STRN3: variants seen among roughly 807,000 people sequenced by gnomAD.
STRN3 encodes striatin-3.
In STRN3, 29 loss-of-function variants were observed where a neutral mutation model predicts 95.6. The ratio of observed to expected loss-of-function variants is 0.30; its 90% confidence interval spans 0.23 to 0.41. The LOEUF is 0.41. Ranked by LOEUF, STRN3 falls within the 10% of genes least tolerant of loss-of-function variation. The pLI, the probability that STRN3 is intolerant of heterozygous loss-of-function variation, is 1.00. For synonymous variants in STRN3, 331 were observed against 357.6 expected (o/e 0.93, Z 0.84); for missense variants, 890 against 972.1 (o/e 0.92, Z 1.12).
intron 1 of STRN3, among the ~76,000 whole-genome samples, chr14:31,009,729 AAC>A (rs1425865605): frequency 6.6e-6 from 1 of 152,088 alleles, no homozygotes; most frequent in Non-Finnish European, 1.5e-5. Context: ...GCTAAACATA[AAC>A]ACAAAAAAAT....
chr14:30,996,220 TA>T (rs1424237034), intron 1 of STRN3, among the ~76,000 whole-genome samples: 1 of 152,156 alleles, frequency 6.6e-6, no homozygotes, highest in Non-Finnish European at 1.5e-5. Context: ...AAACAGGCTC[TA>T]AAATAAAGCA....
chr14:30,982,150 G>C (rs1594535914), intron 1 of STRN3, among the ~76,000 whole-genome samples: 1 of 136,116 alleles, frequency 7.3e-6, no homozygotes, highest in African/African-American at 2.7e-5. Context: ...AGACTAAACA[G>C]TAATTAGGAT....
chr14:30,987,065 T>C (rs531631458), intron 1 of STRN3, among the ~76,000 whole-genome samples: 5 of 152,314 alleles, frequency 3.3e-5, no homozygotes, highest in South Asian at 2.1e-4. Flanking sequence ...ACCCTCTTTA[T>C]GGTACAAGAA....
intron 9 of STRN3, among the ~76,000 whole-genome samples, chr14:30,917,130 C>T (rs548587218): frequency 1.2e-4 from 18 of 152,332 alleles, no homozygotes; most frequent in African/African-American, 2.9e-4. Context: ...TACTCCAAAG[C>T]TGCCTTCTTA....
At position 30,900,132 on chromosome 14, in the gene STRN3, C is replaced by T. The variant is rs562753354; in HGVS notation, c.2137+2404G>A. ...CAGCACTTTGGGAGGCCAAGGTGGG[C>T]GGATCACCTGAGGTCAGGAGTTCAA... On this transcript the variant is annotated intron_variant, in intron 16 of 17. Transcript: ENST00000357479. Among the ~76,000 whole-genome samples the T allele has an allele frequency of 1.1e-4, 17 of 151,940 alleles. No individual in the cohort carries two copies. The South Asian group carries it at 1.7e-3, about 15-fold the overall frequency.
chr14:30,906,021 T>C (rs1007375813), intron 14 of STRN3, among the ~76,000 whole-genome samples: 4 of 152,186 alleles, frequency 2.6e-5, no homozygotes, highest in African/African-American at 9.7e-5. Flanking sequence ...CTCATGAAAA[T>C]GGCTTGGACT....
intron 13 of STRN3, among the ~76,000 whole-genome samples, chr14:30,909,465 C>T (rs1046666666): frequency 6.6e-6 from 1 of 151,782 alleles, no homozygotes; most frequent in Non-Finnish European, 1.5e-5. Context: ...CAGAGCAAGA[C>T]TGTTTCCAAA....
chr14:30,992,597 G>A (rs1221569912), intron 1 of STRN3, among the ~76,000 whole-genome samples: 2 of 149,276 alleles, frequency 1.3e-5, no homozygotes, highest in African/African-American at 2.5e-5. Flanking sequence ...AAAAAGATGG[G>A]GTCGGGGGAA....
intron 1 of STRN3, among the ~76,000 whole-genome samples, chr14:30,985,978 G>A (rs922363890): frequency 3.9e-5 from 6 of 152,068 alleles, no homozygotes; most frequent in African/African-American, 1.4e-4. Context: ...TTGTGTGCAT[G>A]CGCTTTCTCT....
intron 1 of STRN3, among the ~76,000 whole-genome samples, chr14:30,985,272 C>T (rs1470664048): frequency 4.3e-4 from 60 of 140,168 alleles, no homozygotes; most frequent in African/African-American, 1.6e-3. Flanking sequence ...GGCACCATTG[C>T]ACTCCAGCCT....
In STRN3 at chr14:30,956,064, A is replaced by T. The variant is rs1475214398; in HGVS notation, c.386+75T>A. On this transcript the variant is annotated intron_variant, in intron 2 of 17. Coordinates refer to ENST00000357479, the MANE Select transcript of STRN3 (RefSeq NM_001083893.2). ...TTGTACCTTTCAAAAAAAGCTGCCAAATACAGAGTACAATGGTATACATGA... is the reference window on the plus strand; with the variant it reads ...TTGTACCTTTCAAAAAAAGCTGCCATATACAGAGTACAATGGTATACATGA... The T allele has an allele frequency of 4.6e-6, 6 of 1,308,512 alleles. No individual in the cohort carries two copies. The Admixed American group carries it at 1.2e-4, about 27-fold the overall frequency. The allele number at this position is 1,308,512 out of a possible 1,614,324, so 81.1% of individuals were successfully genotyped here.
chr14:30,979,898 C>A (rs140989364), intron 1 of STRN3, among the ~76,000 whole-genome samples: 3 of 151,746 alleles, frequency 2.0e-5, no homozygotes, highest in African/African-American at 7.3e-5. Context: ...CCATGCCTGG[C>A]GGGACATTTT....
chr14:30,938,233 T>C (rs1338724801), intron 5 of STRN3, among the ~76,000 whole-genome samples: 1 of 152,078 alleles, frequency 6.6e-6, no homozygotes, highest in Admixed American at 6.6e-5. Flanking sequence ...TCCAGCACAC[T>C]GTTTAAAGGA....
In STRN3 at chr14:30,893,836, T is replaced by C. The variant is rs557327584; in HGVS notation, c.*1575A>G. The C allele has an allele frequency of 5.9e-5, 9 of 152,712 alleles. No homozygotes were observed. The East Asian group carries it at 1.5e-3, about 26-fold the overall frequency. 9.5% of individuals were successfully genotyped at this position (152,712 alleles called of 1,614,324 possible). A position where few individuals can be genotyped will look rare whatever the true frequency, so the allele number is the denominator to read the frequency against. On this transcript the variant is annotated 3_prime_UTR_variant, in exon 18 of 18. Transcript: ENST00000357479. Reference sequence around the variant, plus strand: ...CCTAGTTTAATTATGGAGAATAAAGTATTGCACTTTATTATTCAACACAAA... The same window carrying C: ...CCTAGTTTAATTATGGAGAATAAAGCATTGCACTTTATTATTCAACACAAA...
At chr14:31,007,212 T>C (rs1882759019) in intron 1 of STRN3, among the ~76,000 whole-genome samples, 1 of 152,200 alleles carries the variant, frequency 6.6e-6, no homozygotes, top group African/African-American at 2.4e-5. Flanking sequence ...GACATTAGTT[T>C]CAGAATAGTA....
intron 1 of STRN3, among the ~76,000 whole-genome samples, chr14:31,005,090 T>C (rs1219995508): frequency 6.6e-6 from 1 of 152,042 alleles, no homozygotes; most frequent in Non-Finnish European, 1.5e-5. Context: ...TCCTAGCACT[T>C]TGGAAGGCCG....
chr14:30,959,764 A>G (rs555069942), intron 1 of STRN3, among the ~76,000 whole-genome samples: 2 of 152,168 alleles, frequency 1.3e-5, no homozygotes, highest in Non-Finnish European at 2.9e-5. Flanking sequence ...CTTCGAGACC[A>G]GCCTGGGCAA....
chr14:30,914,740 T>C (rs1896693632), intron 9 of STRN3, among the ~76,000 whole-genome samples: 1 of 152,268 alleles, frequency 6.6e-6, no homozygotes, highest in Non-Finnish European at 1.5e-5. Flanking sequence ...GCAAGTAATC[T>C]TGACCACAGA....
At chr14:30,955,934 G>A (rs921361838) in intron 2 of STRN3, among the ~76,000 whole-genome samples, 16 of 151,824 alleles carry the variant, frequency 1.1e-4, no homozygotes, top group African/African-American at 3.9e-4. Context: ...CCAAAATTTA[G>A]ATTCTGTAAC....
Sources: allele counts gnomAD v4.1 joint callset (sites outside exome capture counted in the v4.1 genomes callset), GRCh38; gene constraint gnomAD v4.1.1; transcripts MANE v1.5; gene names NCBI Gene and HGNC (gene_info 2026-07-23, HGNC 2026-07-21).